Variants in TAB1 observed in about 807,000 individuals in gnomAD.
TAB1 encodes TGF-beta-activated kinase 1 and MAP3K7-binding protein 1.
In TAB1, 30 loss-of-function variants were observed where a neutral mutation model predicts 54.5. The ratio of observed to expected loss-of-function variants is 0.55; its 90% CI spans 0.41 to 0.75. The LOEUF (loss-of-function observed/expected upper bound fraction) is 0.75. TAB1 is among the 30% of genes least tolerant of loss of function. The pLI is 0.00. For missense variants in TAB1, 609 were observed against 683.2 expected (o/e 0.89, Z 1.21); for synonymous variants, 289 against 286.9 (o/e 1.01, Z -0.07).
intron 10 of TAB1, among the ~76,000 whole-genome samples, chr22:39,428,424 G>T (rs1927443044): frequency 6.6e-6 from 1 of 152,242 alleles, no homozygotes; most frequent in African/African-American, 2.4e-5. Flanking sequence ...CCATCTGCTG[G>T]TTTCATTCAG....
At chr22:39,429,315 G>C (rs910911699) in intron 10 of TAB1, 1 of 985,406 alleles carries the variant, frequency 1.0e-6, no homozygotes, top group African/African-American at 1.7e-5. Flanking sequence ...CTGCTGAGTA[G>C]GTCCTGGGTT....
At chr22:39,406,126 C>G (rs1042242106) in intron 1 of TAB1, among the ~76,000 whole-genome samples, 2 of 152,108 alleles carry the variant, frequency 1.3e-5, no homozygotes. Flanking sequence ...CAATACCAGG[C>G]TATAGCACAA....
chr22:39,431,025 G>T lies in TAB1; in HGVS notation c.*803G>T. 5 of 986,060 alleles carry T rather than the reference G, an allele frequency of 5.1e-6. No homozygotes were observed. Among genetic ancestry groups the T allele is most frequent in the Non-Finnish European group, 6.0e-6 (5 of 830,426 alleles). 61.1% of individuals were successfully genotyped at this position (986,060 alleles called of 1,614,324 possible). A position where few individuals can be genotyped will look rare whatever the true frequency, so the allele number is the denominator to read the frequency against. Reference sequence around the variant, plus strand: ...GTGCCTGCCTTGCATTTTCCTTCTGGTGCTGTGAAGACCATAGGCTGGCAG... The same window carrying T: ...GTGCCTGCCTTGCATTTTCCTTCTGTTGCTGTGAAGACCATAGGCTGGCAG... On this transcript the variant is annotated 3_prime_UTR_variant, in exon 11 of 11. Coordinates refer to ENST00000216160, the MANE Select transcript of TAB1 (RefSeq NM_006116.3).
At chr22:39,406,807 G>A (rs2145656872) in intron 1 of TAB1, among the ~76,000 whole-genome samples, 1 of 152,056 alleles carries the variant, frequency 6.6e-6, no homozygotes. Context: ...TAATTTTTTT[G>A]TATTTTTAGT....
In TAB1 at chr22:39,430,926, C is replaced by T. The variant is rs1927562446; in HGVS notation, c.*704C>T. On this transcript the variant is annotated 3_prime_UTR_variant, in exon 11 of 11. Coordinates refer to ENST00000216160, the MANE Select transcript of TAB1 (RefSeq NM_006116.3). The stretch of plus-strand genomic sequence containing the variant: ...CTGGGCTTCCCCAGAGCCAGGCGTG[C>T]GGGAGAGGTGAGGACTGGCCCCGGT... 1 of 987,894 alleles carries T rather than the reference C, an allele frequency of 1.0e-6. No individual in the cohort carries two copies. The highest frequency in any genetic ancestry group is 1.2e-6 in the Non-Finnish European group (1 of 831,562). The allele number at this position is 987,894 out of a possible 1,614,324, so 61.2% of individuals were successfully genotyped here. A position where few individuals can be genotyped will look rare whatever the true frequency, so the allele number is the denominator to read the frequency against.
intron 1 of TAB1, among the ~76,000 whole-genome samples, chr22:39,401,082 G>A (rs543900462): frequency 6.6e-6 from 1 of 151,894 alleles, no homozygotes; most frequent in South Asian, 2.1e-4. Flanking sequence ...TGAGGACAGG[G>A]ACCTGTGATC....
Position 39,399,781 on chromosome 22 carries a change from C to T in TAB1, c.-22C>T, listed in dbSNP as rs763632840. 1 of 1,580,394 alleles carries T rather than the reference C, an allele frequency of 6.3e-7. No homozygotes were observed. Among genetic ancestry groups the T allele is most frequent in the Non-Finnish European group, 8.6e-7 (1 of 1,163,704 alleles). On this transcript the variant is annotated 5_prime_UTR_variant, in exon 1 of 11. Transcript: ENST00000216160. The stretch of plus-strand genomic sequence containing the variant: ...TCGCTGCTCTGCGGGGAGGCGGGCG[C>T]TCCCGCAGGGGTTCCTCCAAGATGG...
chr22:39,424,446 T>A (rs917829726), intron 8 of TAB1, among the ~76,000 whole-genome samples: 2 of 142,534 alleles, frequency 1.4e-5, no homozygotes, highest in Middle Eastern at 3.5e-3. Context: ...TTCTTTTTTT[T>A]TTTTTTTTTT....
In TAB1 at chr22:39,419,561, G is replaced by C; in HGVS notation, c.707G>C (p.Gly236Ala). Residue 236 changes from glycine (G) to alanine (A), a missense_variant, in exon 7 of 11, where the codon GGG (glycine) becomes GCG (alanine). Transcript: ENST00000216160. ...ATCAAGCAGGTGGGGATCATCTGTG[G>C]GCAGGAGAGCACCCGGCGGATCGGG... ...GKIKQVGIIC[G>A]QESTRRIGDY... 1 of 1,613,168 alleles carries C rather than the reference G, an allele frequency of 6.2e-7. No homozygotes were observed. Among genetic ancestry groups the C allele is most frequent in the Non-Finnish European group, 8.5e-7 (1 of 1,179,454 alleles).
Position 39,422,121 on chromosome 22 carries a change from T to C in TAB1, c.921+150T>C, listed in dbSNP as rs140889098. The C allele has an allele frequency of 7.8e-4, 631 of 809,766 alleles. 1 individual carries two copies. Among genetic ancestry groups the C allele is most frequent in the Non-Finnish European group, 8.8e-4 (491 of 556,380 alleles). The allele number at this position is 809,766 out of a possible 1,614,324, so 50.2% of individuals were successfully genotyped here. A position where few individuals can be genotyped will look rare whatever the true frequency, so the allele number is the denominator to read the frequency against. ...TGGGGGAAGGAGAATCCCAGAGCTC[T>C]GAAAACACCCATCCCACCCAAAAAC... is the stretch of plus-strand genomic sequence containing the variant. On this transcript the variant is annotated intron_variant, in intron 8 of 10. Coordinates refer to ENST00000216160, the MANE Select transcript of TAB1 (RefSeq NM_006116.3).
At chr22:39,404,912 C>G (rs990398999) in intron 1 of TAB1, among the ~76,000 whole-genome samples, 1 of 152,104 alleles carries the variant, frequency 6.6e-6, no homozygotes, top group East Asian at 1.9e-4. Context: ...GTGGGTCATC[C>G]GGAAGGTTGG....
In TAB1 at chr22:39,419,822, C is replaced by T. The variant is rs545777013; in HGVS notation, c.776+192C>T. 9.3e-5 allele frequency among the ~76,000 whole-genome samples: 14 copies of T among 150,694 alleles called. No individual in the cohort carries two copies. In the East Asian group the frequency reaches 2.1e-3, roughly 23 times the overall value. ...AAAGGTCCAGAAGGCCTGGGGCAGA[C>T]GCAGACTGTAGGCCCCAGTGACACA... On this transcript the variant is annotated intron_variant, in intron 7 of 10. Transcript: ENST00000216160.
At chr22:39,435,443 C>A (rs1415599974), downstream of TAB1, among the ~76,000 whole-genome samples, 2 of 152,102 alleles carry the variant, frequency 1.3e-5, no homozygotes, top group African/African-American at 4.8e-5. Context: ...AGCCTTCACT[C>A]CCGCGGCCCT....
intron 1 of TAB1, among the ~76,000 whole-genome samples, chr22:39,405,611 T>A (rs1926328060): frequency 6.6e-6 from 1 of 151,084 alleles, no homozygotes; most frequent in South Asian, 2.1e-4. Context: ...CATCAGTGTG[T>A]GCAGGGGTGG....
intron 1 of TAB1, among the ~76,000 whole-genome samples, chr22:39,401,206 G>A (rs1307241455): frequency 6.6e-6 from 1 of 152,182 alleles, no homozygotes; most frequent in Non-Finnish European, 1.5e-5. Context: ...CGCCCTTGGC[G>A]TCACAGAGGT....
chr22:39,411,615 G>T (rs546440299), intron 1 of TAB1, among the ~76,000 whole-genome samples: 2 of 152,290 alleles, frequency 1.3e-5, no homozygotes, highest in African/African-American at 4.8e-5. Context: ...GGAGCAGCCG[G>T]AACTCAACAT....
downstream of TAB1, chr22:39,436,977 G>A (rs5757672): frequency 5.7e-6 from 1 of 175,264 alleles, no homozygotes; most frequent in African/African-American, 2.4e-5. Flanking sequence ...CCTTCCATCA[G>A]GTGTGGCCCG....
chr22:39,415,582 T>C lies in TAB1; in HGVS notation c.253T>C (p.Ser85Pro), dbSNP rs768635604. Reference protein sequence around the residue: ...RVTNFVAQRLSAELLLGQLNA... With the variant: ...RVTNFVAQRLPAELLLGQLNA... ...GACCAACTTCGTGGCCCAGCGGCTG[T>C]CCGCAGAGCTCCTGCTGGGCCAGCT... The change falls in exon 3 of 11, where the codon TCC (serine) becomes CCC (proline). Residue 85 changes from serine (S) to proline (P), a missense_variant. Ser to Pro is a moderately conservative substitution (Grantham distance 74). Coordinates refer to ENST00000216160, the MANE Select transcript of TAB1 (RefSeq NM_006116.3). This position sits in a 1 kb window ranked among gnomAD's most constrained non-coding sequence, Gnocchi z 4.9. 2 of 1,614,080 alleles carry C rather than the reference T, an allele frequency of 1.2e-6. No individual in the cohort carries two copies. Among genetic ancestry groups the C allele is most frequent in the Admixed American group, 1.7e-5 (1 of 60,032 alleles).
downstream of TAB1, chr22:39,436,636 G>A: frequency 1.5e-6 from 2 of 1,315,736 alleles, no homozygotes; most frequent in Non-Finnish European, 2.2e-6. Flanking sequence ...TTGTCGCCTG[G>A]TCTGACTTGT....
Sources: allele counts gnomAD v4.1 joint callset (sites outside exome capture counted in the v4.1 genomes callset), GRCh38; gene constraint gnomAD v4.1.1; non-coding constraint Gnocchi (gnomAD v3.1); transcripts MANE v1.5; gene names NCBI Gene and HGNC (gene_info 2026-07-23, HGNC 2026-07-21).